KLHL29: variants seen among roughly 807,000 people sequenced by gnomAD.
KLHL29 encodes kelch-like protein 29.
In KLHL29, 21 loss-of-function variants were observed where a neutral mutation model predicts 80.4. That is an observed-to-expected ratio of 0.26 (90% CI 0.19 to 0.38). The LOEUF (loss-of-function observed/expected upper bound fraction) is 0.38, where lower values mean the gene tolerates loss of function less well. Among genes scored for constraint, KLHL29 ranks in the 10% least tolerant of loss-of-function variants. The probability of loss-of-function intolerance (pLI) is 1.00; values close to 1 mark genes in which losing one functional copy is unlikely to be tolerated. For synonymous variants in KLHL29, 511 were observed against 526.8 expected (o/e 0.97, Z 0.41); for missense variants, 867 against 1,223.9 (o/e 0.71, Z 4.35).
rs1470238153 is a variant in KLHL29 at position 23,680,962 on chromosome 2, C to A, written c.941-3437C>A. On this transcript the variant is annotated intron_variant, in intron 5 of 13. Coordinates refer to ENST00000486442, the MANE Select transcript of KLHL29 (RefSeq NM_052920.2). This position sits in a 1 kb window ranked among gnomAD's most constrained non-coding sequence, Gnocchi z 4.1. ...ATAGGCCATGTTGTTGGAAGATCTC[C>A]CCAGACCCCGCAGCAATCCCACACA... is the stretch of plus-strand genomic sequence containing the variant. Among the ~76,000 whole-genome samples the A allele has an allele frequency of 2.0e-5, 3 of 152,196 alleles. No individual in the cohort carries two copies. Among genetic ancestry groups the A allele is most frequent in the Non-Finnish European group, 4.4e-5 (3 of 68,038 alleles).
chr2:23,575,697 C>T (rs1667826003), intron 3 of KLHL29, among the ~76,000 whole-genome samples: 1 of 152,200 alleles, frequency 6.6e-6, no homozygotes. Flanking sequence ...AGACACAGGC[C>T]TGCCTCAGGG....
chr2:23,644,561 C>T lies in KLHL29; in HGVS notation c.940+1711C>T, dbSNP rs535733834. Among the ~76,000 whole-genome samples, 7 of 152,342 alleles carry T rather than the reference C, an allele frequency of 4.6e-5. No individual in the cohort carries two copies. In the South Asian group the frequency reaches 1.4e-3, roughly 32 times the overall value. ...GCTCAGCACCAAGCTGGGATCTGCC[C>T]CACCAAAGCTGCTGGGTGCAGGCAG... On this transcript the variant is annotated intron_variant, in intron 5 of 13. Coordinates refer to ENST00000486442, the MANE Select transcript of KLHL29 (RefSeq NM_052920.2).
chr2:23,439,473 C>T (rs1380495471), intron 1 of KLHL29, among the ~76,000 whole-genome samples: 3 of 149,606 alleles, frequency 2.0e-5, no homozygotes, highest in East Asian at 3.9e-4. Context: ...CCTCTACACA[C>T]TGCTTTGAAT....
chr2:23,501,967 CAT>C (rs1665458165), intron 2 of KLHL29, among the ~76,000 whole-genome samples: 3 of 152,120 alleles, frequency 2.0e-5, no homozygotes, highest in Non-Finnish European at 2.9e-5. Flanking sequence ...AATTTTAAAA[CAT>C]CACCTGCATT....
chr2:23,414,459 C>G (rs111576606), intron 1 of KLHL29, among the ~76,000 whole-genome samples: 2 of 152,264 alleles, frequency 1.3e-5, no homozygotes, highest in African/African-American at 4.8e-5. Context: ...TAGGAGAGAC[C>G]CCCAGTGGCA....
At chr2:23,667,189 A>T (rs185137988) in intron 5 of KLHL29, 45 of 152,330 alleles carry the variant, frequency 3.0e-4, no homozygotes, top group African/African-American at 1.0e-3. Context: ...GGACCACAAG[A>T]ATATTTGCAT....
intron 1 of KLHL29, among the ~76,000 whole-genome samples, chr2:23,472,639 A>C (rs1664526348): frequency 1.3e-5 from 2 of 152,130 alleles, no homozygotes; most frequent in Non-Finnish European, 2.9e-5. Flanking sequence ...ATCTCAAAAC[A>C]AAACAAAACA....
intron 3 of KLHL29, among the ~76,000 whole-genome samples, chr2:23,569,122 A>G (rs1320285400): frequency 1.3e-5 from 2 of 152,256 alleles, no homozygotes; most frequent in East Asian, 3.8e-4. Context: ...TCCCCAGGAC[A>G]TGCAGAAGGA....
intron 2 of KLHL29, among the ~76,000 whole-genome samples, chr2:23,527,960 C>T (rs1022105167): frequency 2.0e-5 from 3 of 152,222 alleles, no homozygotes; most frequent in African/African-American, 7.2e-5. Flanking sequence ...CCCATCACCA[C>T]CACCCCTCTG....
chr2:23,706,672 A>G lies in KLHL29; in HGVS notation c.*8A>G. The G allele has an allele frequency of 6.6e-7, 1 of 1,515,068 alleles. No individual in the cohort carries two copies. Among genetic ancestry groups the G allele is most frequent in the Non-Finnish European group, 8.8e-7 (1 of 1,131,488 alleles). 93.9% of individuals were successfully genotyped at this position (1,515,068 alleles called of 1,614,324 possible). A position where few individuals can be genotyped will look rare whatever the true frequency, so the allele number is the denominator to read the frequency against. ...TATATTCAAAGCGGCTGACATCAGC[A>G]GAAAGCCCACGATAAGACTGTGGAC... On this transcript the variant is annotated 3_prime_UTR_variant, in exon 14 of 14. Coordinates refer to ENST00000486442, the MANE Select transcript of KLHL29 (RefSeq NM_052920.2).
chr2:23,496,356 C>T (rs1012572229), intron 2 of KLHL29, among the ~76,000 whole-genome samples: 2 of 152,212 alleles, frequency 1.3e-5, no homozygotes, highest in Non-Finnish European at 2.9e-5. Context: ...ATCCATCCCA[C>T]CTCTGAACTT....
intron 2 of KLHL29, among the ~76,000 whole-genome samples, chr2:23,487,477 C>A (rs1242694806): frequency 1.3e-5 from 2 of 152,178 alleles, no homozygotes; most frequent in Non-Finnish European, 2.9e-5. Context: ...GGAAGAAGTT[C>A]TTTGCTCAGA....
At chr2:23,646,062 G>A (rs1375507455) in intron 5 of KLHL29, among the ~76,000 whole-genome samples, 2 of 151,982 alleles carry the variant, frequency 1.3e-5, no homozygotes, top group Admixed American at 1.3e-4. Flanking sequence ...TTTTTTAGAT[G>A]ATGTATTGAA....
intron 2 of KLHL29, among the ~76,000 whole-genome samples, chr2:23,552,786 C>T (rs1424458944): frequency 1.7e-4 from 4 of 22,972 alleles, no homozygotes; most frequent in African/African-American, 1.4e-3. Flanking sequence ...TTTGAGATGG[C>T]GTCTCACTGT....
At chr2:23,460,363 T>A (rs1248542579) in intron 1 of KLHL29, among the ~76,000 whole-genome samples, 2 of 152,120 alleles carry the variant, frequency 1.3e-5, no homozygotes, top group African/African-American at 4.8e-5. Flanking sequence ...TTCCCCATCC[T>A]AGGAGACATT....
At chr2:23,509,887 G>T (rs890683392) in intron 2 of KLHL29, among the ~76,000 whole-genome samples, 2 of 152,128 alleles carry the variant, frequency 1.3e-5, no homozygotes, top group Non-Finnish European at 2.9e-5. Context: ...GACGGACCTG[G>T]CAATGAACTC....
chr2:23,646,769 G>A (rs1303399320), intron 5 of KLHL29, among the ~76,000 whole-genome samples: 1 of 152,208 alleles, frequency 6.6e-6, no homozygotes. Context: ...TAACAGTGAT[G>A]AGATCTTGTG....
At chr2:23,385,994 G>GA in intron 1 of KLHL29, among the ~76,000 whole-genome samples, 1 of 150,370 alleles carries the variant, frequency 6.7e-6, no homozygotes, top group Non-Finnish European at 1.5e-5. Flanking sequence ...GCTCCAGGGG[G>GA]AAAAAAAGGG....
intron 1 of KLHL29, among the ~76,000 whole-genome samples, chr2:23,444,692 C>T (rs1011792411): frequency 1.3e-5 from 2 of 152,266 alleles, no homozygotes; most frequent in South Asian, 2.1e-4. Context: ...CATATATTCA[C>T]ATAAAATAGT....
Sources: allele counts gnomAD v4.1 joint callset (sites outside exome capture counted in the v4.1 genomes callset), GRCh38; gene constraint gnomAD v4.1.1; non-coding constraint Gnocchi (gnomAD v3.1); transcripts MANE v1.5; gene names NCBI Gene and HGNC (gene_info 2026-07-23, HGNC 2026-07-21).